Variants in MGAT4C observed in about 807,000 individuals in gnomAD.
MGAT4C encodes the protein MGAT4 family member C.
MGAT4C carries 19 observed loss-of-function variants against 40.1 expected under a neutral mutation model. That is an observed-to-expected ratio of 0.47 (90% CI 0.33 to 0.70). The LOEUF (loss-of-function observed/expected upper bound fraction) is 0.70, where lower values mean the gene tolerates loss of function less well. Ranked by LOEUF, MGAT4C falls within the 30% of genes least tolerant of loss-of-function variation. The probability of loss-of-function intolerance (pLI) is 0.02; values close to 1 mark genes in which losing one functional copy is unlikely to be tolerated. For synonymous variants in MGAT4C, 181 were observed against 187.1 expected, an observed-to-expected ratio of 0.97 and a Z score of 0.27; for missense variants, 491 against 563.2, an observed-to-expected ratio of 0.87 and a Z score of 1.30.
At chr12:86,114,517 T>A (rs1878041912) in intron 1 of MGAT4C, among the ~76,000 whole-genome samples, 1 of 151,984 alleles carries the variant, frequency 6.6e-6, no homozygotes, top group African/African-American at 2.4e-5. Flanking sequence ...TCTCTTGATT[T>A]TTTTTTCAAA....
At chr12:86,040,548 C>T (rs1271341684) in intron 2 of MGAT4C, among the ~76,000 whole-genome samples, 2 of 152,190 alleles carry the variant, frequency 1.3e-5, no homozygotes, top group African/African-American at 4.8e-5. Context: ...GTAAAACTGC[C>T]TACTTAAGCC....
At chr12:86,464,991 G>T (rs1957658848) in intron 2 of MGAT4C, among the ~76,000 whole-genome samples, 1 of 152,026 alleles carries the variant, frequency 6.6e-6, no homozygotes. Context: ...AGTGCTACTA[G>T]CCCTATATGG....
At chr12:86,837,107 G>C (rs1300464662) in intron 1 of MGAT4C, among the ~76,000 whole-genome samples, 1 of 152,022 alleles carries the variant, frequency 6.6e-6, no homozygotes, top group Non-Finnish European at 1.5e-5. Flanking sequence ...AGTTATTGGG[G>C]GAGAAACCAG....
At chr12:86,781,587 A>G (rs11104085) in intron 1 of MGAT4C, among the ~76,000 whole-genome samples, 13,807 of 152,176 alleles carry the variant, frequency 0.091, 800 homozygotes, top group African/African-American at 0.17. Context: ...AAACATTTTT[A>G]TAATACTTAT....
intron 3 of MGAT4C, among the ~76,000 whole-genome samples, chr12:86,433,297 T>C (rs1215988401): frequency 6.6e-6 from 1 of 151,154 alleles, no homozygotes; most frequent in African/African-American, 2.4e-5. Context: ...GATATACATA[T>C]ATATGTATGT....
At chr12:86,736,351 T>G (rs1950985771) in intron 1 of MGAT4C, among the ~76,000 whole-genome samples, 1 of 151,862 alleles carries the variant, frequency 6.6e-6, no homozygotes, top group African/African-American at 2.4e-5. Context: ...TTGAAGCCAC[T>G]GAAACCTTAC....
At chr12:86,528,350 C>A (rs1173482556) in intron 2 of MGAT4C, among the ~76,000 whole-genome samples, 1 of 152,046 alleles carries the variant, frequency 6.6e-6, no homozygotes, top group Non-Finnish European at 1.5e-5. Flanking sequence ...CTCTATTTCT[C>A]AGAGACAAGG....
chr12:86,821,108 C>G (rs992193945), intron 1 of MGAT4C, among the ~76,000 whole-genome samples: 10 of 150,890 alleles, frequency 6.6e-5, no homozygotes, highest in African/African-American at 2.4e-4. Context: ...AAGAAAATTA[C>G]TTTTATTTAG....
At chr12:86,734,361 A>C (rs1339157010) in intron 1 of MGAT4C, among the ~76,000 whole-genome samples, 2 of 152,190 alleles carry the variant, frequency 1.3e-5, no homozygotes, top group Non-Finnish European at 2.9e-5. Context: ...ACAGCTAAAA[A>C]CAGTGGGAGT....
At chr12:86,731,697 T>C (rs186497022) in intron 1 of MGAT4C, among the ~76,000 whole-genome samples, 43 of 152,266 alleles carry the variant, frequency 2.8e-4, no homozygotes, top group African/African-American at 9.9e-4. Flanking sequence ...TTATTTGTGA[T>C]AATTGCTTGT....
At chr12:86,546,537 T>C (rs1959193719) in intron 2 of MGAT4C, among the ~76,000 whole-genome samples, 1 of 151,996 alleles carries the variant, frequency 6.6e-6, no homozygotes, top group South Asian at 2.1e-4. Context: ...CACAAAAGAC[T>C]TCCTTTATAG....
intron 1 of MGAT4C, among the ~76,000 whole-genome samples, chr12:86,103,074 G>A (rs1565984639): frequency 1.3e-5 from 2 of 152,034 alleles, no homozygotes; most frequent in Non-Finnish European, 2.9e-5. Flanking sequence ...TTGAAGCAGT[G>A]GATAATGCCT....
chr12:86,797,361 T>TCC (rs1272926906), intron 1 of MGAT4C, among the ~76,000 whole-genome samples: 10 of 151,872 alleles, frequency 6.6e-5, no homozygotes, highest in Non-Finnish European at 1.5e-4. Flanking sequence ...TTTTTTTTAC[T>TCC]TTTTATTGCT....
chr12:86,463,010 A>T (rs886856004), intron 2 of MGAT4C, among the ~76,000 whole-genome samples: 1 of 152,056 alleles, frequency 6.6e-6, no homozygotes, highest in Non-Finnish European at 1.5e-5. Flanking sequence ...TAACCATCAC[A>T]ACCTCCATTT....
At chr12:86,777,931 C>G (rs1215263967) in intron 1 of MGAT4C, among the ~76,000 whole-genome samples, 1 of 152,128 alleles carries the variant, frequency 6.6e-6, no homozygotes, top group Non-Finnish European at 1.5e-5. Context: ...TAATACTGCT[C>G]AGTCTTTATA....
At chr12:86,430,879 A>G (rs1202493982) in intron 3 of MGAT4C, among the ~76,000 whole-genome samples, 1 of 152,104 alleles carries the variant, frequency 6.6e-6, no homozygotes, top group East Asian at 1.9e-4. Flanking sequence ...ATACTACTTG[A>G]TTTTCTAGGT....
At chr12:86,459,830 A>G (rs1957570231) in intron 2 of MGAT4C, among the ~76,000 whole-genome samples, 1 of 151,056 alleles carries the variant, frequency 6.6e-6, no homozygotes, top group East Asian at 2.0e-4. Context: ...TCTTTGCTCT[A>G]CTCTCACCCT....
chr12:86,043,432 G>A (rs1452083926), intron 2 of MGAT4C, among the ~76,000 whole-genome samples: 2 of 152,130 alleles, frequency 1.3e-5, no homozygotes, highest in African/African-American at 4.8e-5. Context: ...GGAGTCCAAT[G>A]TTCAAGGTCA....
intron 1 of MGAT4C, among the ~76,000 whole-genome samples, chr12:86,127,810 C>T (rs1275801753): frequency 6.6e-6 from 1 of 152,086 alleles, no homozygotes; most frequent in Non-Finnish European, 1.5e-5. Flanking sequence ...ACATCTTGTC[C>T]CCTGGAAGGT....
Sources: allele counts gnomAD v4.1 joint callset (sites outside exome capture counted in the v4.1 genomes callset), GRCh38; gene constraint gnomAD v4.1.1; transcripts MANE v1.5; gene names NCBI Gene and HGNC (gene_info 2026-07-23, HGNC 2026-07-21).